Variants in PPP3CB observed in about 807,000 individuals in gnomAD.
The protein encoded by PPP3CB is protein phosphatase 3 catalytic subunit beta, also known as serine/threonine-protein phosphatase 2B catalytic subunit beta isoform.
Under a neutral mutation model 66.4 loss-of-function variants are expected in PPP3CB, and 8 were observed. The observed-to-expected ratio is 0.12, with a 90% CI of 0.07 to 0.22. PPP3CB has a LOEUF of 0.22. Among genes scored for constraint, PPP3CB ranks in the 10% least tolerant of loss-of-function variants. The pLI is 1.00. For missense variants in PPP3CB, 319 were observed against 642.5 expected (o/e 0.50, Z 5.44); for synonymous variants, 208 against 221.2 (o/e 0.94, Z 0.53).
intron 1 of PPP3CB, among the ~76,000 whole-genome samples, chr10:73,494,650 TAA>T (rs563632482): frequency 1.4e-5 from 2 of 140,878 alleles, no homozygotes; most frequent in Non-Finnish European, 3.1e-5. Context: ...AATTTTTAAT[TAA>T]AAAAAAAAAA....
chr10:73,438,697 AAAATCAAC>A lies in PPP3CB; in HGVS notation c.1397-285_1397-278del, dbSNP rs1564545167. ...AAAATGTTAACCCTCTCCTGCCCCC[AAAATCAAC>A]CTCCAGGCAATGGTCTCAGGGTCTC... On this transcript the variant is annotated intron_variant, in intron 13 of 13. Transcript: ENST00000360663. 5.3e-5 allele frequency among the ~76,000 whole-genome samples: 8 copies of A among 152,226 alleles called. No individual in the cohort carries two copies. The East Asian group carries it at 1.5e-3, about 29-fold the overall frequency.
At chr10:73,475,355 TA>T (rs947288360) in intron 3 of PPP3CB, among the ~76,000 whole-genome samples, 25 of 152,372 alleles carry the variant, frequency 1.6e-4, no homozygotes, top group African/African-American at 6.0e-4. Flanking sequence ...TGCGTATTAG[TA>T]AATAATACTG....
intron 13 of PPP3CB, 83 bp from the exon 14 acceptor site, chr10:73,438,503 G>C (rs2056099888): frequency 7.7e-7 from 1 of 1,300,062 alleles, no homozygotes; most frequent in Non-Finnish European, 1.1e-6. Flanking sequence ...TTTTTAAGAA[G>C]AAAGAAATTA....
chr10:73,453,979 T>G (rs1244078722), intron 10 of PPP3CB, among the ~76,000 whole-genome samples: 2 of 152,214 alleles, frequency 1.3e-5, no homozygotes, highest in Non-Finnish European at 2.9e-5. Flanking sequence ...ACAATCACAC[T>G]AATTTAGAAG....
intron 10 of PPP3CB, among the ~76,000 whole-genome samples, chr10:73,453,682 A>G (rs183998795): frequency 2.4e-3 from 369 of 152,342 alleles, no homozygotes; most frequent in African/African-American, 8.4e-3. Context: ...AAAGTATACT[A>G]CAACAAAGAT....
chr10:73,487,557 C>CA (rs2057000163), intron 1 of PPP3CB, among the ~76,000 whole-genome samples: 2 of 100,630 alleles, frequency 2.0e-5, no homozygotes, highest in Admixed American at 9.7e-5. Context: ...CAAAAAAAAA[C>CA]CAAAACCAAA....
At position 73,479,493 on chromosome 10, in the gene PPP3CB, C is replaced by T. The variant is rs149808527; in HGVS notation, c.110G>A (p.Arg37His). Residue 37 changes from arginine to histidine, a missense_variant, in exon 2 of 14, where the codon CGC (arginine) becomes CAC (histidine). This residue lies in a region of PPP3CB where 104 missense variants were observed against 128.4 expected (regional missense o/e 0.81). Transcript: ENST00000360663. Reference sequence around the variant, plus strand: ...ATCAAATACTTCTTCAGATGTCAAGCGATGTGTTGGGGGGAAAGGGACAGC... The same window carrying T: ...ATCAAATACTTCTTCAGATGTCAAGTGATGTGTTGGGGGGAAAGGGACAGC... The part of the protein sequence containing the change: ...VKAVPFPPTH[R>H]LTSEEVFDLD... The T allele has an allele frequency of 6.2e-7, 1 of 1,613,880 alleles. No individual in the cohort carries two copies. The highest frequency in any genetic ancestry group is 8.5e-7 in the Non-Finnish European group (1 of 1,179,922).
chr10:73,457,279 A>AG (rs1564554053), intron 9 of PPP3CB, among the ~76,000 whole-genome samples: 2 of 148,620 alleles, frequency 1.3e-5, no homozygotes, highest in Non-Finnish European at 3.0e-5. Flanking sequence ...AAAAAAAAAA[A>AG]AAAAAAAAAA....
At chr10:73,440,748 G>A (rs2056130900) in intron 12 of PPP3CB, among the ~76,000 whole-genome samples, 1 of 152,182 alleles carries the variant, frequency 6.6e-6, no homozygotes, top group Non-Finnish European at 1.5e-5. Context: ...CATTAAGGAA[G>A]AGAAGTGAGG....
intron 1 of PPP3CB, among the ~76,000 whole-genome samples, chr10:73,481,046 TC>T (rs2056867214): frequency 6.6e-6 from 1 of 152,152 alleles, no homozygotes; most frequent in African/African-American, 2.4e-5. Context: ...AGTTTCAGGC[TC>T]TTTACTGAAT....
At chr10:73,457,923 A>G (rs926436941) in intron 9 of PPP3CB, among the ~76,000 whole-genome samples, 1 of 152,132 alleles carries the variant, frequency 6.6e-6, no homozygotes, top group African/African-American at 2.4e-5. Context: ...TAAATAATAT[A>G]TGTACATGGA....
intron 9 of PPP3CB, among the ~76,000 whole-genome samples, chr10:73,462,347 A>T (rs1427578963): frequency 6.6e-6 from 1 of 151,626 alleles, no homozygotes; most frequent in Non-Finnish European, 1.5e-5. Flanking sequence ...ACAATTTTTT[A>T]AAAAAGGAAA....
intron 4 of PPP3CB, 70 bp downstream of exon 4, chr10:73,474,832 CACTGTAAAGTCTTCAAA>C: frequency 6.6e-7 from 1 of 1,515,216 alleles, no homozygotes; most frequent in Non-Finnish European, 8.8e-7. Context: ...TTACATGTTG[CACTGTAAAGTCTTCAAA>C]ACTCTTACTA....
intron 10 of PPP3CB, 60 bp downstream of exon 10, chr10:73,454,352 A>G: frequency 7.6e-7 from 1 of 1,315,418 alleles, no homozygotes; most frequent in Non-Finnish European, 1.1e-6. Context: ...TACTGAGGCT[A>G]GGCAGTAAAG....
In PPP3CB at chr10:73,477,864, C is replaced by A. The variant is rs936470888; in HGVS notation, c.411+635G>T. The stretch of plus-strand genomic sequence containing the variant: ...CTCAAGAGGTCAAGGCTACATTGAG[C>A]CATGCTGGTGCCACTGTACTCCAGC... On this transcript the variant is annotated intron_variant, in intron 3 of 13. Transcript: ENST00000360663. Among the ~76,000 whole-genome samples the A allele has an allele frequency of 3.3e-4, 50 of 152,008 alleles. 2 individuals are homozygous for A.
chr10:73,483,768 C>T (rs933034911), intron 1 of PPP3CB, among the ~76,000 whole-genome samples: 4 of 152,152 alleles, frequency 2.6e-5, no homozygotes, highest in South Asian at 2.1e-4. Flanking sequence ...GGAGACCTGA[C>T]GGGGCAAAAG....
chr10:73,461,880 G>A (rs2056526694), intron 9 of PPP3CB, among the ~76,000 whole-genome samples: 1 of 152,184 alleles, frequency 6.6e-6, no homozygotes, highest in South Asian at 2.1e-4. Flanking sequence ...GATCATGGGG[G>A]TGGATTTCTC....
At chr10:73,446,395 C>T (rs937046543) in intron 11 of PPP3CB, 97 bp downstream of exon 11, 67 of 1,154,210 alleles carry the variant, frequency 5.8e-5, no homozygotes, top group Non-Finnish European at 7.6e-5. Context: ...CCACCATACC[C>T]GGCCCCATTT....
At chr10:73,461,670 G>C (rs1453308033) in intron 9 of PPP3CB, among the ~76,000 whole-genome samples, 1 of 152,116 alleles carries the variant, frequency 6.6e-6, no homozygotes, top group Non-Finnish European at 1.5e-5. Context: ...TTTGGAGTTG[G>C]CACTTTTCGG....
Sources: allele counts gnomAD v4.1 joint callset (sites outside exome capture counted in the v4.1 genomes callset), GRCh38; gene constraint gnomAD v4.1.1; regional missense constraint gnomAD v4.1.1; transcripts MANE v1.5; gene names NCBI Gene and HGNC (gene_info 2026-07-23, HGNC 2026-07-21).